KCNN2: variants seen among roughly 807,000 people sequenced by gnomAD.
The protein encoded by KCNN2 is potassium calcium-activated channel subfamily N member 2, also known as small conductance calcium-activated potassium channel protein 2.
Under a neutral mutation model 55.5 loss-of-function variants are expected in KCNN2, and 24 were observed. The observed-to-expected ratio is 0.43, with a 90% CI of 0.31 to 0.61. The LOEUF is 0.61. KCNN2 is among the 20% of genes least tolerant of loss of function. KCNN2 has a pLI of 0.08. For missense variants in KCNN2, 754 were observed against 853.6 expected (o/e 0.88, Z 1.45); for synonymous variants, 431 against 336.1 (o/e 1.28, Z -3.09).
chr5:114,445,996 C>A (rs1760390922), intron 3 of KCNN2, among the ~76,000 whole-genome samples: 1 of 152,150 alleles, frequency 6.6e-6, no homozygotes, highest in South Asian at 2.1e-4. Context: ...GCCTGTGAAG[C>A]CTAGGATAAT....
chr5:114,408,824 G>A (rs1283841515), intron 3 of KCNN2, among the ~76,000 whole-genome samples: 1 of 152,122 alleles, frequency 6.6e-6, no homozygotes, highest in Non-Finnish European at 1.5e-5. Context: ...ACTAAATACA[G>A]AATGCCAAGG....
intron 1 of KCNN2, among the ~76,000 whole-genome samples, chr5:114,218,819 C>A (rs1025396111): frequency 6.6e-6 from 1 of 152,178 alleles, no homozygotes; most frequent in Non-Finnish European, 1.5e-5. Flanking sequence ...AGGCTATGCA[C>A]ATGTGGGGCT....
intron 2 of KCNN2, among the ~76,000 whole-genome samples, chr5:114,331,775 A>T (rs1174672581): frequency 2.0e-5 from 3 of 152,178 alleles, no homozygotes; most frequent in Non-Finnish European, 2.9e-5. Context: ...TAACAGGACC[A>T]ATTTTCTTCA....
chr5:114,096,964 CTG>C (rs1180510718), intron 1 of KCNN2, among the ~76,000 whole-genome samples: 4 of 151,838 alleles, frequency 2.6e-5, no homozygotes, highest in African/African-American at 9.7e-5. Context: ...AGATGAGACA[CTG>C]AGACTCAGAG....
intron 2 of KCNN2, among the ~76,000 whole-genome samples, chr5:114,369,947 G>A (rs969306755): frequency 5.9e-5 from 9 of 152,068 alleles, no homozygotes; most frequent in South Asian, 4.1e-4. Context: ...GAGCACCAAG[G>A]CAGCCTGCGT....
chr5:114,159,734 G>A (rs1378270885), intron 1 of KCNN2, among the ~76,000 whole-genome samples: 4 of 152,118 alleles, frequency 2.6e-5, no homozygotes, highest in Admixed American at 6.5e-5. Context: ...AGTCTTGGGA[G>A]GGTGTATGTG....
intron 2 of KCNN2, among the ~76,000 whole-genome samples, chr5:114,228,090 G>T (rs1754276117): frequency 6.6e-6 from 1 of 151,988 alleles, no homozygotes; most frequent in Non-Finnish European, 1.5e-5. Context: ...ATTGATGAAT[G>T]CTTATAATTT....
At chr5:114,320,057 A>T (rs1756584937) in intron 2 of KCNN2, among the ~76,000 whole-genome samples, 2 of 152,184 alleles carry the variant, frequency 1.3e-5, no homozygotes, top group African/African-American at 4.8e-5. Flanking sequence ...CTTTTTTTAA[A>T]ATGGAAATTT....
At chr5:114,126,073 A>G (rs1751925182) in intron 1 of KCNN2, among the ~76,000 whole-genome samples, 1 of 151,682 alleles carries the variant, frequency 6.6e-6, no homozygotes, top group Non-Finnish European at 1.5e-5. Flanking sequence ...TTCCATCTTT[A>G]TGTGATATTC....
rs1254393918 is a variant in KCNN2, at chr5:114,149,638, A to T, written c.-270-71842A>T. Among the ~76,000 whole-genome samples the T allele has an allele frequency of 2.0e-5, 3 of 152,206 alleles. No homozygotes were observed. The East Asian group carries it at 5.8e-4, about 29-fold the overall frequency. Reference sequence around the variant, plus strand: ...AGTAATTCTTTAACATAACATCTGTATGCAGAAGTACAGTATACAGAGATT... The same window carrying T: ...AGTAATTCTTTAACATAACATCTGTTTGCAGAAGTACAGTATACAGAGATT... On this transcript the variant is annotated intron_variant, in intron 1 of 10. Transcript: ENST00000512097.
At chr5:114,188,548 C>A (rs1277821977) in intron 1 of KCNN2, among the ~76,000 whole-genome samples, 1 of 152,050 alleles carries the variant, frequency 6.6e-6, no homozygotes, top group African/African-American at 2.4e-5. Flanking sequence ...CATCAGGAGT[C>A]TAAACAAAGT....
intron 2 of KCNN2, among the ~76,000 whole-genome samples, chr5:114,281,827 T>G (rs545243619): frequency 6.6e-6 from 1 of 152,226 alleles, no homozygotes; most frequent in East Asian, 1.9e-4. Context: ...CTGGATCTGG[T>G]GTCTATGGTC....
At position 114,482,311 on chromosome 5, in the gene KCNN2, G is replaced by A. The variant is rs142566211; in HGVS notation, c.1891-4739G>A. ...ACTGGTCATTAGAGAAATGCAAATC[G>A]GAAACCACAATGAGATACCATCTCA... On this transcript the variant is annotated intron_variant, in intron 5 of 7. Transcript: ENST00000673685. Among the ~76,000 whole-genome samples the A allele has an allele frequency of 1.8e-3, 281 of 152,040 alleles. 1 individual carries two copies. The highest frequency in any genetic ancestry group is 6.5e-3 in the African/African-American group (268 of 41,490).
At chr5:114,236,196 G>A (rs540407584) in intron 2 of KCNN2, among the ~76,000 whole-genome samples, 1 of 152,106 alleles carries the variant, frequency 6.6e-6, no homozygotes, top group African/African-American at 2.4e-5. Flanking sequence ...AGTTCTCCTA[G>A]AATAGTTCTT....
intron 1 of KCNN2, among the ~76,000 whole-genome samples, chr5:114,114,163 G>C (rs1288795120): frequency 1.3e-5 from 2 of 152,050 alleles, no homozygotes; most frequent in African/African-American, 4.8e-5. Flanking sequence ...ATTTCTGTGT[G>C]TGAAAAGTTA....
intron 1 of KCNN2, among the ~76,000 whole-genome samples, chr5:114,157,832 T>A (rs1482322696): frequency 1.3e-5 from 2 of 151,286 alleles, no homozygotes; most frequent in Admixed American, 1.3e-4. Context: ...TCATTTCCTT[T>A]GCCCACTTTT....
At chr5:114,411,016 A>G (rs1406167369) in intron 3 of KCNN2, among the ~76,000 whole-genome samples, 4 of 152,332 alleles carry the variant, frequency 2.6e-5, no homozygotes, top group Non-Finnish European at 4.4e-5. Flanking sequence ...TAGATGAATA[A>G]AGAATAAATT....
chr5:114,461,723 G>C (rs1183476244), intron 3 of KCNN2, among the ~76,000 whole-genome samples: 2 of 150,008 alleles, frequency 1.3e-5, no homozygotes, highest in Non-Finnish European at 2.9e-5. Context: ...CATGGGATGA[G>C]GGACAGGAAA....
intron 2 of KCNN2, among the ~76,000 whole-genome samples, chr5:114,290,700 G>A (rs1755868537): frequency 1.3e-5 from 2 of 152,042 alleles, no homozygotes; most frequent in African/African-American, 4.8e-5. Context: ...AACCAGCCTT[G>A]CATAGAAATA....
Sources: allele counts gnomAD v4.1 joint callset (sites outside exome capture counted in the v4.1 genomes callset), GRCh38; gene constraint gnomAD v4.1.1; transcripts MANE v1.5; gene names NCBI Gene and HGNC (gene_info 2026-07-23, HGNC 2026-07-21).